Variants in CNRIP1 observed in about 807,000 individuals in gnomAD.
The protein encoded by CNRIP1 is cannabinoid receptor interacting protein 1, also known as CB1 cannabinoid receptor-interacting protein 1.
A neutral mutation model predicts 15.2 loss-of-function variants in CNRIP1; 10 were observed. The ratio of observed to expected loss-of-function variants is 0.66; its 90% CI spans 0.41 to 1.12. CNRIP1 has a LOEUF of 1.12. CNRIP1 is among the 50% of genes most tolerant of loss of function. CNRIP1 has a pLI of 0.00. For synonymous variants in CNRIP1, 91 were observed against 83.2 expected (o/e 1.09, Z -0.51); for missense variants, 211 against 214.7 (o/e 0.98, Z 0.11).
intron 2 of CNRIP1, among the ~76,000 whole-genome samples, chr2:68,310,881 C>A (rs1450785868): frequency 6.6e-6 from 1 of 151,770 alleles, no homozygotes; most frequent in Non-Finnish European, 1.5e-5. Context: ...ATAAAAAAGA[C>A]AAATGAAAAT....
intron 2 of CNRIP1, among the ~76,000 whole-genome samples, chr2:68,298,199 T>G (rs1307072774): frequency 2.6e-5 from 4 of 152,192 alleles, no homozygotes; most frequent in Admixed American, 6.5e-5. Flanking sequence ...GGATTTAGTA[T>G]TATTTTTGAC....
At chr2:68,316,765 C>T (rs1480594159) in intron 2 of CNRIP1, 1 of 385,012 alleles carries the variant, frequency 2.6e-6, no homozygotes, top group Non-Finnish European at 4.7e-6. Flanking sequence ...CTCCATTTAG[C>T]TTTAAGTAGC....
chr2:68,313,988 C>T (rs183882569), intron 2 of CNRIP1, among the ~76,000 whole-genome samples: 1 of 152,142 alleles, frequency 6.6e-6, no homozygotes, highest in Non-Finnish European at 1.5e-5. Context: ...TACAACTACT[C>T]TTTCCTCAAA....
intron 2 of CNRIP1, among the ~76,000 whole-genome samples, chr2:68,306,642 G>A (rs1386171331): frequency 3.9e-5 from 6 of 152,000 alleles, no homozygotes; most frequent in Non-Finnish European, 7.4e-5. Context: ...TTAGCTGGGC[G>A]TGGTGGCGGG....
At chr2:68,299,645 A>T (rs1671532443) in intron 2 of CNRIP1, among the ~76,000 whole-genome samples, 1 of 152,172 alleles carries the variant, frequency 6.6e-6, no homozygotes. Context: ...CCCAGCGGAG[A>T]CAACACTCTA....
At chr2:68,305,807 A>C (rs1437457597) in intron 2 of CNRIP1, among the ~76,000 whole-genome samples, 2 of 148,596 alleles carry the variant, frequency 1.3e-5, no homozygotes, top group African/African-American at 5.0e-5. Flanking sequence ...AAAAAAAAAA[A>C]AACACACACA....
intron 2 of CNRIP1, among the ~76,000 whole-genome samples, chr2:68,301,313 A>G (rs1387297128): frequency 6.6e-6 from 1 of 152,240 alleles, no homozygotes; most frequent in Non-Finnish European, 1.5e-5. Context: ...CCATAGTTGG[A>G]GAAAGAGCAC....
chr2:68,285,222 A>T (rs1018590775), intron 2 of CNRIP1, among the ~76,000 whole-genome samples: 2 of 40,270 alleles, frequency 5.0e-5, no homozygotes, highest in South Asian at 9.8e-4. Flanking sequence ...TTCCCCACCC[A>T]CCCTCCCAAA....
intron 2 of CNRIP1, among the ~76,000 whole-genome samples, chr2:68,295,102 C>A (rs1174909638): frequency 6.6e-6 from 1 of 152,146 alleles, no homozygotes; most frequent in East Asian, 1.9e-4. Flanking sequence ...TCTCCTCTGA[C>A]CCTCCCCTGT....
At chr2:68,290,274 C>A (rs1427904740), downstream of CNRIP1, among the ~76,000 whole-genome samples, 2 of 151,644 alleles carry the variant, frequency 1.3e-5, no homozygotes, top group Admixed American at 6.6e-5. Flanking sequence ...GTGATCTACT[C>A]GCTTCAGCTT....
rs1671217819 is a variant in CNRIP1, at chr2:68,293,047, G to A, written c.*815C>T. The A allele has an allele frequency of 2.0e-6, 2 of 985,272 alleles. No homozygotes were observed. The highest frequency in any genetic ancestry group is 1.2e-6 in the Non-Finnish European group (1 of 829,932). 61.0% of individuals were successfully genotyped at this position (985,272 alleles called of 1,614,324 possible). A position where few individuals can be genotyped will look rare whatever the true frequency, so the allele number is the denominator to read the frequency against. On this transcript the variant is annotated 3_prime_UTR_variant, in exon 3 of 3. Coordinates refer to ENST00000263655, the MANE Select transcript of CNRIP1 (RefSeq NM_015463.3). ...CCTTTATTAAGAAATATCAAAAGTT[G>A]ATTACAGGTCCATATGCAGTTTTAC...
At chr2:68,301,257 A>G (rs532832823) in intron 2 of CNRIP1, among the ~76,000 whole-genome samples, 11 of 152,352 alleles carry the variant, frequency 7.2e-5, no homozygotes, top group African/African-American at 2.6e-4. Flanking sequence ...ACATTTGAAA[A>G]TCTACCATAT....
intron 2 of CNRIP1, among the ~76,000 whole-genome samples, chr2:68,299,332 C>T (rs1206925563): frequency 1.3e-5 from 2 of 152,100 alleles, no homozygotes; most frequent in African/African-American, 4.8e-5. Context: ...CTCCTCCAAC[C>T]CCAATTCATG....
downstream of CNRIP1, among the ~76,000 whole-genome samples, chr2:68,290,749 G>A (rs901686710): frequency 1.3e-5 from 2 of 152,180 alleles, no homozygotes; most frequent in Non-Finnish European, 2.9e-5. Context: ...ATCTGTGACA[G>A]GGATCTTTAT....
chr2:68,298,067 A>G (rs1444595217), intron 2 of CNRIP1, among the ~76,000 whole-genome samples: 1 of 152,090 alleles, frequency 6.6e-6, no homozygotes, highest in Non-Finnish European at 1.5e-5. Context: ...AGCCTAAGGG[A>G]TTTTATAAAT....
chr2:68,307,526 A>G (rs1671901567), intron 2 of CNRIP1, among the ~76,000 whole-genome samples: 1 of 152,060 alleles, frequency 6.6e-6, no homozygotes, highest in Admixed American at 6.5e-5. Context: ...GGATTTTGCT[A>G]TATTGCTCAG....
intron 2 of CNRIP1, among the ~76,000 whole-genome samples, chr2:68,301,326 G>A (rs1197312912): frequency 1.3e-5 from 2 of 152,210 alleles, no homozygotes; most frequent in African/African-American, 2.4e-5. Flanking sequence ...AAGAGCACCT[G>A]ACAGTGCATC....
intron 2 of CNRIP1, among the ~76,000 whole-genome samples, chr2:68,301,877 G>A (rs918364697): frequency 7.9e-6 from 1 of 126,000 alleles, no homozygotes; most frequent in Non-Finnish European, 1.6e-5. Flanking sequence ...CTGGGCGACA[G>A]AGCGAGTCTC....
In CNRIP1 at chr2:68,319,561, G is replaced by A; in HGVS notation, c.-161C>T. On this transcript the variant is annotated 5_prime_UTR_variant, in exon 1 of 3. Coordinates refer to ENST00000263655, the MANE Select transcript of CNRIP1 (RefSeq NM_015463.3). ...GGAACCCGCGCCGTCGCCGCCGTCC[G>A]CCCGGGCTTTTGAGGAGCAGCTCCT... 2 of 701,542 alleles carry A rather than the reference G, an allele frequency of 2.9e-6. No homozygotes were observed. The highest frequency in any genetic ancestry group is 4.4e-6 in the Non-Finnish European group (2 of 451,050). The allele number at this position is 701,542 out of a possible 1,614,324, so 43.5% of individuals were successfully genotyped here. A position where few individuals can be genotyped will look rare whatever the true frequency, so the allele number is the denominator to read the frequency against.
Sources: allele counts gnomAD v4.1 joint callset (sites outside exome capture counted in the v4.1 genomes callset), GRCh38; gene constraint gnomAD v4.1.1; transcripts MANE v1.5; gene names NCBI Gene and HGNC (gene_info 2026-07-23, HGNC 2026-07-21).